The following FIG4 variants were observed in gnomAD, a reference collection of about 807,000 sequenced individuals.
The protein encoded by FIG4 is FIG4 phosphoinositide 5-phosphatase.
A neutral mutation model predicts 118.6 loss-of-function variants in FIG4; 112 were observed. The observed-to-expected ratio is 0.94, with a 90% CI of 0.81 to 1.11. The LOEUF (loss-of-function observed/expected upper bound fraction) is 1.11. Ranked by LOEUF, FIG4 falls within the 50% of genes least tolerant of loss-of-function variation. FIG4 has a pLI of 0.00. For missense variants in FIG4, 969 were observed against 1,111.7 expected, an observed-to-expected ratio of 0.87 and a Z score of 1.83; for synonymous variants, 369 against 381.2, an observed-to-expected ratio of 0.97 and a Z score of 0.37.
intron 22 of FIG4, among the ~76,000 whole-genome samples, chr6:109,823,424 T>C (rs1294543433): frequency 1.3e-5 from 2 of 152,210 alleles, no homozygotes; most frequent in Non-Finnish European, 1.5e-5. Context: ...TGCAATTGAA[T>C]GTAGTCTCCA....
chr6:109,763,066 C>T (rs981555607), intron 12 of FIG4, among the ~76,000 whole-genome samples: 3 of 152,192 alleles, frequency 2.0e-5, no homozygotes, highest in Non-Finnish European at 4.4e-5. Context: ...TGAAATGTTG[C>T]CAGCCAAGGA....
intron 7 of FIG4, among the ~76,000 whole-genome samples, chr6:109,738,814 C>T (rs764953173): frequency 3.9e-5 from 6 of 152,040 alleles, no homozygotes; most frequent in Non-Finnish European, 5.9e-5. Flanking sequence ...GCCTTAGCAG[C>T]GAGAGAGATC....
chr6:109,693,494 A>G (rs913484484), intron 1 of FIG4, among the ~76,000 whole-genome samples: 5 of 152,194 alleles, frequency 3.3e-5, no homozygotes, highest in Admixed American at 2.0e-4. Context: ...ACCCCTCTCA[A>G]CTGCCTAAGT....
At position 109,789,775 on chromosome 6, in the gene FIG4, A is replaced by G. The variant is rs1298416670; in HGVS notation, c.2180+98A>G. The G allele has an allele frequency of 1.1e-5, 9 of 825,344 alleles. No individual in the cohort carries two copies. The Admixed American group carries it at 1.7e-4, about 16-fold the overall frequency. The allele number at this position is 825,344 out of a possible 1,614,324, so 51.1% of individuals were successfully genotyped here. On this transcript the variant is annotated intron_variant, in intron 19 of 22. Transcript: ENST00000230124. ...AAAAACTAATAACTTCAGGTCATATATAGTTTATTAATAACACTGGGATCA... is the reference window on the plus strand; with the variant it reads ...AAAAACTAATAACTTCAGGTCATATGTAGTTTATTAATAACACTGGGATCA...
chr6:109,694,605 A>G (rs1459941586), intron 1 of FIG4, among the ~76,000 whole-genome samples: 2 of 152,226 alleles, frequency 1.3e-5, no homozygotes, highest in East Asian at 3.8e-4. Context: ...ATCAAGCTGA[A>G]TAGCTTCTGC....
chr6:109,811,147 A>G (rs1319674916), intron 22 of FIG4, among the ~76,000 whole-genome samples: 1 of 152,206 alleles, frequency 6.6e-6, no homozygotes, highest in Non-Finnish European at 1.5e-5. Flanking sequence ...ATTAGGAATC[A>G]TGTGATCATT....
chr6:109,752,141 A>G (rs1776726812), intron 10 of FIG4, among the ~76,000 whole-genome samples: 1 of 151,282 alleles, frequency 6.6e-6, no homozygotes, highest in Non-Finnish European at 1.5e-5. Context: ...TTCCAATTTC[A>G]TCCATGCCCC....
At chr6:109,757,260 C>T (rs1776942868) in intron 10 of FIG4, among the ~76,000 whole-genome samples, 2 of 151,820 alleles carry the variant, frequency 1.3e-5, no homozygotes, top group South Asian at 4.1e-4. Context: ...TTTATTTGCT[C>T]TTCCACTATG....
At chr6:109,821,247 G>T (rs980133358) in intron 22 of FIG4, among the ~76,000 whole-genome samples, 1 of 152,224 alleles carries the variant, frequency 6.6e-6, no homozygotes, top group African/African-American at 2.4e-5. Context: ...AAACCTCAGA[G>T]AGCAAGCTGT....
intron 16 of FIG4, among the ~76,000 whole-genome samples, chr6:109,778,049 A>G (rs1228298961): frequency 6.6e-6 from 1 of 152,200 alleles, no homozygotes. Flanking sequence ...AAAATTTTTT[A>G]CATACCATAC....
At chr6:109,760,109 G>T (rs1407347587) in intron 10 of FIG4, 141 bp from the exon 11 acceptor site, 8 of 681,652 alleles carry the variant, frequency 1.2e-5, no homozygotes, top group Non-Finnish European at 2.1e-5. Context: ...TATTATTTCT[G>T]ATTATTGTAG....
rs1775432556 is a variant in FIG4 at position 109,716,449 on chromosome 6, T to A, written c.170T>A (p.Val57Asp). 1 of 1,613,664 alleles carries A rather than the reference T, an allele frequency of 6.2e-7. No homozygotes were observed. The change falls in exon 3 of 23, where the codon GTC (valine) becomes GAC (aspartate). Residue 57 changes from valine to aspartate, a missense_variant. Transcript: ENST00000230124. ...AGTAAATGTGCTTATTCTTAGCATG[T>A]CTATACTCAACAAGAAGTAAGGGAA... is the stretch of plus-strand genomic sequence containing the variant. Reference protein sequence around the residue: ...KDLVIIDDRHVYTQQEVRELL... With the variant: ...KDLVIIDDRHDYTQQEVRELL...
chr6:109,745,122 A>G (rs1315399645), intron 10 of FIG4, among the ~76,000 whole-genome samples: 1 of 152,128 alleles, frequency 6.6e-6, no homozygotes, highest in African/African-American at 2.4e-5. Context: ...GTGTCTTTAT[A>G]GTAGAATGAT....
intron 10 of FIG4, among the ~76,000 whole-genome samples, chr6:109,747,015 C>T (rs1207848099): frequency 6.6e-6 from 1 of 151,958 alleles, no homozygotes; most frequent in Non-Finnish European, 1.5e-5. Flanking sequence ...AAATACAGAA[C>T]CCTGACTGGG....
At chr6:109,758,678 A>G (rs915466784) in intron 10 of FIG4, among the ~76,000 whole-genome samples, 1 of 152,224 alleles carries the variant, frequency 6.6e-6, no homozygotes, top group Non-Finnish European at 1.5e-5. Context: ...GGCAGCCTAC[A>G]GAATGGGAGA....
chr6:109,779,732 AG>A (rs1265284245), intron 16 of FIG4, among the ~76,000 whole-genome samples: 1 of 152,194 alleles, frequency 6.6e-6, no homozygotes, highest in African/African-American at 2.4e-5. Context: ...CCACCTGTAC[AG>A]GTTATTTTGC....
chr6:109,782,884 A>C (rs758954736), intron 16 of FIG4, among the ~76,000 whole-genome samples: 78 of 152,338 alleles, frequency 5.1e-4, no homozygotes, highest in Admixed American at 2.1e-3. Context: ...TCGATCTCAT[A>C]TTTGATTCTG....
chr6:109,821,229 CAG>C (rs1168714983), intron 22 of FIG4, among the ~76,000 whole-genome samples: 3 of 152,144 alleles, frequency 2.0e-5, no homozygotes, highest in African/African-American at 7.2e-5. Flanking sequence ...GGAAGGGGAG[CAG>C]AGAGGAAACC....
chr6:109,763,857 T>C, intron 12 of FIG4, 80 bp from the exon 13 acceptor site: 1 of 960,166 alleles, frequency 1.0e-6, no homozygotes, highest in Non-Finnish European at 1.7e-6. Context: ...AATTCTATGA[T>C]TCTTAACAAG....
Sources: gnomAD v4.1 joint callset for allele counts (sites outside exome capture counted in the v4.1 genomes callset) on GRCh38, gnomAD v4.1.1 for gene constraint, MANE v1.5 for transcripts, NCBI Gene and HGNC (gene_info 2026-07-23, HGNC 2026-07-21) for gene names.